The following TIAM1 variants were observed in gnomAD, a reference collection of about 807,000 sequenced individuals.
The protein encoded by TIAM1 is rho guanine nucleotide exchange factor TIAM1.
In TIAM1, 65 loss-of-function variants were observed where a neutral mutation model predicts 163.5. The observed-to-expected ratio is 0.40, with a 90% CI of 0.33 to 0.49. The LOEUF (loss-of-function observed/expected upper bound fraction) is 0.49, where lower values mean the gene tolerates loss of function less well. Among genes scored for constraint, TIAM1 ranks in the 20% least tolerant of loss-of-function variants. TIAM1 has a pLI of 0.77. For missense variants in TIAM1, 1,789 were observed against 2,044.7 expected (o/e 0.87, Z 2.41); for synonymous variants, 833 against 810.1 (o/e 1.03, Z -0.48).
chr21:31,261,181 A>T (rs1170654304), intron 4 of TIAM1, among the ~76,000 whole-genome samples: 1 of 151,946 alleles, frequency 6.6e-6, no homozygotes, highest in Admixed American at 6.5e-5. Flanking sequence ...GCTCTGCTAC[A>T]GTTATCCTGG....
At chr21:31,431,903 T>C (rs2044041840) in intron 2 of TIAM1, among the ~76,000 whole-genome samples, 1 of 152,150 alleles carries the variant, frequency 6.6e-6, no homozygotes. Context: ...TTAACCGAAA[T>C]GCAACATGCA....
intron 1 of TIAM1, among the ~76,000 whole-genome samples, chr21:31,535,416 T>C (rs113860569): frequency 4.2e-5 from 6 of 141,400 alleles, no homozygotes; most frequent in African/African-American, 1.6e-4. Flanking sequence ...AAAAAGTTTA[T>C]CCAGAAAGTT....
At chr21:31,300,892 T>G (rs845937) in intron 2 of TIAM1, among the ~76,000 whole-genome samples, 3 of 151,976 alleles carry the variant, frequency 2.0e-5, no homozygotes, top group Admixed American at 6.5e-5. Flanking sequence ...AAAGTCACAC[T>G]TTTGAGGCAT....
intron 1 of TIAM1, among the ~76,000 whole-genome samples, chr21:31,506,799 T>A (rs1436254930): frequency 1.3e-5 from 2 of 152,182 alleles, no homozygotes; most frequent in Non-Finnish European, 2.9e-5. Flanking sequence ...AAGCCTGTAA[T>A]CCTAGCTACC....
chr21:31,168,662 A>C (rs890576717), intron 15 of TIAM1, among the ~76,000 whole-genome samples: 1 of 152,170 alleles, frequency 6.6e-6, no homozygotes, highest in Admixed American at 6.5e-5. Context: ...GGCCTCCCCA[A>C]GTGCTAGGAT....
rs1313321195 is a variant in TIAM1, at chr21:31,120,632, G to A, written c.4512C>T (p.Ile1504=). The part of the protein sequence containing the change: ...EEQDDIKETD[I]LSDDDEFCES... The stretch of plus-strand genomic sequence containing the variant: ...CACAGAACTCATCATCGTCACTGAG[G>A]ATGTCTGTCTCCTTGATGTCATCTT... Residue 1504 remains isoleucine (I), a synonymous_variant, in exon 28 of 28, where the codon ATC becomes ATT. Transcript: ENST00000541036. The surrounding 1 kb of genome is among the most constrained non-coding windows in gnomAD (Gnocchi z 4.2). The A allele has an allele frequency of 6.2e-7, 1 of 1,614,024 alleles. No individual in the cohort carries two copies. The highest frequency in any genetic ancestry group is 8.5e-7 in the Non-Finnish European group (1 of 1,180,044).
chr21:31,258,864 G>A (rs1194351378), intron 4 of TIAM1, among the ~76,000 whole-genome samples: 6 of 151,264 alleles, frequency 4.0e-5, no homozygotes, highest in Admixed American at 2.6e-4. Context: ...TATGGCCCAA[G>A]CTAGATACTC....
At position 31,314,018 on chromosome 21, in the gene TIAM1, G is replaced by C. The variant is rs550121333; in HGVS notation, c.-189+25225C>G. Among the ~76,000 whole-genome samples, 3 of 152,350 alleles carry C rather than the reference G, an allele frequency of 2.0e-5. No individual in the cohort carries two copies. In the South Asian group the frequency reaches 6.2e-4, roughly 32 times the overall value. Reference sequence around the variant, plus strand: ...TGTAAGATGTGATTCCTGCATGGTAGACAAACAGTACAACTGCTACTAAGA... The same window carrying C: ...TGTAAGATGTGATTCCTGCATGGTACACAAACAGTACAACTGCTACTAAGA... On this transcript the variant is annotated intron_variant, in intron 2 of 27. Transcript: ENST00000541036.
chr21:31,296,933 G>A (rs2074298282), intron 2 of TIAM1, among the ~76,000 whole-genome samples: 1 of 152,284 alleles, frequency 6.6e-6, no homozygotes, highest in African/African-American at 2.4e-5. Context: ...AAAATGCTGG[G>A]ATTACGGGCA....
chr21:31,154,172 T>G, intron 17 of TIAM1, 75 bp downstream of exon 17: 1 of 1,498,862 alleles, frequency 6.7e-7, no homozygotes, highest in Non-Finnish European at 9.0e-7. Flanking sequence ...CAGCTGTTAA[T>G]GAAAACCAGC....
intron 1 of TIAM1, among the ~76,000 whole-genome samples, chr21:31,558,410 C>A (rs918162834): frequency 6.6e-6 from 1 of 152,170 alleles, no homozygotes; most frequent in South Asian, 2.1e-4. Flanking sequence ...GAGGGCGGCA[C>A]GGATCGCCAA....
At chr21:31,134,974 TG>T (rs2082561978) in intron 23 of TIAM1, among the ~76,000 whole-genome samples, 1 of 152,158 alleles carries the variant, frequency 6.6e-6, no homozygotes, top group African/African-American at 2.4e-5. Context: ...ACATTCCATT[TG>T]GGGATACTTT....
intron 10 of TIAM1, among the ~76,000 whole-genome samples, chr21:31,211,078 G>A (rs1468076998): frequency 6.6e-6 from 1 of 151,988 alleles, no homozygotes. Flanking sequence ...GTTTTCTGGA[G>A]GTCAAAGAAC....
intron 2 of TIAM1, among the ~76,000 whole-genome samples, chr21:31,295,197 G>A (rs1212872224): frequency 3.9e-5 from 6 of 152,198 alleles, no homozygotes; most frequent in Non-Finnish European, 7.3e-5. Flanking sequence ...AGGGCCAGGT[G>A]CGGTGGCTTA....
intron 2 of TIAM1, among the ~76,000 whole-genome samples, chr21:31,306,975 G>A (rs1031091695): frequency 6.6e-6 from 1 of 152,054 alleles, no homozygotes; most frequent in Non-Finnish European, 1.5e-5. Context: ...TGGTACTCTC[G>A]AATGATTTAG....
chr21:31,219,095 G>A lies in TIAM1; in HGVS notation c.1996-1396C>T, dbSNP rs116592792. On this transcript the variant is annotated intron_variant, in intron 8 of 27. Transcript: ENST00000541036. The stretch of plus-strand genomic sequence containing the variant: ...CACCCAGGCTGGAGTCCAGTGGAGC[G>A]ATTCCAGAGAAGCATTTCACAAGGG... Among the ~76,000 whole-genome samples, 451 of 138,844 alleles carry A rather than the reference G, an allele frequency of 3.2e-3. 3 individuals are homozygous for A. The highest frequency in any genetic ancestry group is 0.011 in the African/African-American group (415 of 37,000). 91.1% of individuals were successfully genotyped at this position (138,844 alleles called of 152,430 possible).
chr21:31,175,975 T>C (rs1401971501), intron 15 of TIAM1, among the ~76,000 whole-genome samples: 1 of 152,228 alleles, frequency 6.6e-6, no homozygotes, highest in Non-Finnish European at 1.5e-5. Flanking sequence ...CTGCAACATT[T>C]CCCTAAAAGG....
At chr21:31,433,532 T>C (rs1221543599) in intron 2 of TIAM1, among the ~76,000 whole-genome samples, 2 of 152,206 alleles carry the variant, frequency 1.3e-5, no homozygotes, top group East Asian at 1.9e-4. Flanking sequence ...GGGCAATGCA[T>C]ACCAAACTCT....
intron 2 of TIAM1, among the ~76,000 whole-genome samples, chr21:31,312,847 C>G (rs770178480): frequency 6.6e-6 from 1 of 151,624 alleles, no homozygotes; most frequent in African/African-American, 2.4e-5. Context: ...GACAGAATGA[C>G]GGGAAGAAAA....
Sources: gnomAD v4.1 joint callset for allele counts (sites outside exome capture counted in the v4.1 genomes callset) on GRCh38, gnomAD v4.1.1 for gene constraint, Gnocchi (gnomAD v3.1) non-coding constraint, MANE v1.5 for transcripts, NCBI Gene and HGNC (gene_info 2026-07-23, HGNC 2026-07-21) for gene names.